The following SLC16A12 variants were observed in gnomAD, a reference collection of about 807,000 sequenced individuals.
The protein encoded by SLC16A12 is monocarboxylate transporter 12.
Under a neutral mutation model 42.4 loss-of-function variants are expected in SLC16A12, and 17 were observed. The observed-to-expected ratio is 0.40, with a 90% CI of 0.27 to 0.60. The LOEUF is 0.60. Ranked by LOEUF, SLC16A12 falls within the 20% of genes least tolerant of loss-of-function variation. The probability of loss-of-function intolerance (pLI) is 0.42; values close to 1 mark genes in which losing one functional copy is unlikely to be tolerated. For missense variants in SLC16A12, 544 were observed against 623.0 expected (o/e 0.87, Z 1.35); for synonymous variants, 224 against 229.4 (o/e 0.98, Z 0.21).
intron 2 of SLC16A12, among the ~76,000 whole-genome samples, chr10:89,548,029 C>G (rs1333975289): frequency 6.7e-6 from 1 of 148,290 alleles, no homozygotes; most frequent in Non-Finnish European, 1.5e-5. Flanking sequence ...TGGAGCGTGA[C>G]ATTATAGGTA....
At position 89,462,303 on chromosome 10, in the gene SLC16A12, G is replaced by A. The variant is rs545384514; in HGVS notation, c.200+76C>T. The A allele has an allele frequency of 1.9e-4, 305 of 1,594,144 alleles. 1 individual carries two copies. Among genetic ancestry groups the A allele is most frequent in the South Asian group, 1.1e-3 (99 of 89,746 alleles). ...ACATATCTTCACAATGATGGGTTCA[G>A]AAAGAGAATGAAGCAGATTTAAAAG... On this transcript the variant is annotated intron_variant, in intron 3 of 7. Transcript: ENST00000371790.
chr10:89,518,844 C>A (rs1843301701), intron 2 of SLC16A12, among the ~76,000 whole-genome samples: 2 of 152,086 alleles, frequency 1.3e-5, no homozygotes, highest in African/African-American at 4.8e-5. Context: ...CAGGGGTGGT[C>A]CCACTTTTTG....
At chr10:89,484,755 C>T (rs1300550815) in intron 2 of SLC16A12, among the ~76,000 whole-genome samples, 1 of 152,136 alleles carries the variant, frequency 6.6e-6, no homozygotes, top group Non-Finnish European at 1.5e-5. Flanking sequence ...GGCATTGCTT[C>T]CTTAAAATAT....
At chr10:89,487,856 A>C (rs1003728264) in intron 2 of SLC16A12, among the ~76,000 whole-genome samples, 5 of 148,252 alleles carry the variant, frequency 3.4e-5, no homozygotes, top group African/African-American at 9.9e-5. Flanking sequence ...TGTCAAAAAG[A>C]CACCTGCACT....
intron 3 of SLC16A12, among the ~76,000 whole-genome samples, chr10:89,451,077 G>T (rs1842089586): frequency 6.6e-6 from 1 of 152,242 alleles, no homozygotes. Flanking sequence ...ATTCAGGCAG[G>T]AAGCTTTTAT....
chr10:89,530,191 T>C (rs576521202), intron 2 of SLC16A12, among the ~76,000 whole-genome samples: 8 of 152,312 alleles, frequency 5.3e-5, no homozygotes, highest in East Asian at 1.9e-4. Context: ...CAGGACCTTA[T>C]TGGAGCTTGT....
intron 2 of SLC16A12, among the ~76,000 whole-genome samples, chr10:89,533,985 ATCACCAG>A (rs767152087): frequency 1.1e-4 from 16 of 152,250 alleles, no homozygotes; most frequent in Admixed American, 2.0e-4. Flanking sequence ...TGTTGATTCC[ATCACCAG>A]TTAACAGTAT....
upstream of SLC16A12, among the ~76,000 whole-genome samples, chr10:89,536,252 G>T (rs1316603604): frequency 6.6e-6 from 1 of 152,126 alleles, no homozygotes; most frequent in Non-Finnish European, 1.5e-5. Flanking sequence ...GGTGTATCTG[G>T]CAGGGATCCG....
intron 2 of SLC16A12, among the ~76,000 whole-genome samples, chr10:89,519,368 CA>C (rs923459484): frequency 6.6e-6 from 1 of 151,974 alleles, no homozygotes; most frequent in African/African-American, 2.4e-5. Context: ...AAACCTAAAA[CA>C]AAAGTTGAGA....
In SLC16A12 at chr10:89,532,337, T is replaced by C. The variant is rs79251165; in HGVS notation, c.-47+2164A>G. Among the ~76,000 whole-genome samples the C allele has an allele frequency of 5.8e-3, 881 of 152,278 alleles. 12 individuals are homozygous for C. The highest frequency in any genetic ancestry group is 0.02 in the African/African-American group (840 of 41,552). On this transcript the variant is annotated intron_variant, in intron 2 of 7. Coordinates refer to ENST00000371790, the MANE Select transcript of SLC16A12 (RefSeq NM_213606.4). ...CAGGTGCCTAGCATGCATCAGAAAT[T>C]GTGACTGTTCCCCAAATGTTCAACA...
intron 2 of SLC16A12, among the ~76,000 whole-genome samples, chr10:89,495,635 G>A (rs970048574): frequency 4.6e-5 from 7 of 152,056 alleles, no homozygotes; most frequent in African/African-American, 7.2e-5. Flanking sequence ...AAATGTGCTC[G>A]GAAATTTAAA....
intron 2 of SLC16A12, among the ~76,000 whole-genome samples, chr10:89,498,245 T>C (rs938270054): frequency 1.2e-4 from 18 of 152,056 alleles, no homozygotes; most frequent in Non-Finnish European, 1.5e-5. Context: ...GGTGGGAAGA[T>C]GGCTTGAGCC....
intron 3 of SLC16A12, among the ~76,000 whole-genome samples, chr10:89,450,500 C>G (rs1320289268): frequency 6.6e-6 from 1 of 152,158 alleles, no homozygotes; most frequent in African/African-American, 2.4e-5. Context: ...AGCAAACTAT[C>G]GCAAGGACAG....
rs1347502603 is a variant in SLC16A12, at chr10:89,486,639, G to GAAAGAAAGAAAGAAAGAAAGAAAGA, written c.-46-24040_-46-24016dup. Among the ~76,000 whole-genome samples, 211 of 48,304 alleles carry GAAAGAAAGAAAGAAAGAAAGAAAGA rather than the reference G, an allele frequency of 4.4e-3. 6 individuals are homozygous for GAAAGAAAGAAAGAAAGAAAGAAAGA. Among genetic ancestry groups the GAAAGAAAGAAAGAAAGAAAGAAAGA allele is most frequent in the Middle Eastern group, 0.024 (2 of 82 alleles). The allele number at this position is 48,304 out of a possible 152,430, so 31.7% of individuals were successfully genotyped here. The stretch of plus-strand genomic sequence containing the variant: ...AGAAAGAAAGAAAGAAAGAAAGAAA[G>GAAAGAAAGAAAGAAAGAAAGAAAGA]AAAGAAAGAAAGAAAGAAAGAAAGA... On this transcript the variant is annotated intron_variant, in intron 2 of 7. Transcript: ENST00000371790.
chr10:89,461,544 C>T (rs1842300532), intron 3 of SLC16A12, among the ~76,000 whole-genome samples: 1 of 152,118 alleles, frequency 6.6e-6, no homozygotes, highest in South Asian at 2.1e-4. Flanking sequence ...TCACCTGGTA[C>T]CCCTTTTCCT....
At chr10:89,443,299 G>A (rs967587440) in intron 4 of SLC16A12, among the ~76,000 whole-genome samples, 1 of 152,174 alleles carries the variant, frequency 6.6e-6, no homozygotes, top group Non-Finnish European at 1.5e-5. Flanking sequence ...TGCAATCCAA[G>A]ACTTGAGATG....
At chr10:89,443,691 A>G in intron 4 of SLC16A12, 65 bp downstream of exon 4, 1 of 1,149,684 alleles carries the variant, frequency 8.7e-7, no homozygotes, top group Non-Finnish European at 1.3e-6. Context: ...AAGTCAGTGG[A>G]ATGTCATTGT....
intron 2 of SLC16A12, among the ~76,000 whole-genome samples, chr10:89,472,651 C>T (rs909526067): frequency 1.3e-5 from 2 of 151,504 alleles, no homozygotes; most frequent in African/African-American, 4.9e-5. Flanking sequence ...CACAACCATG[C>T]CCAGCTAATT....
chr10:89,512,548 T>G (rs1194758016), intron 2 of SLC16A12, among the ~76,000 whole-genome samples: 1 of 152,132 alleles, frequency 6.6e-6, no homozygotes, highest in African/African-American at 2.4e-5. Context: ...TTATTGCCTA[T>G]GCAATTATGC....
Sources: allele counts gnomAD v4.1 joint callset (sites outside exome capture counted in the v4.1 genomes callset), GRCh38; gene constraint gnomAD v4.1.1; transcripts MANE v1.5; gene names NCBI Gene and HGNC (gene_info 2026-07-23, HGNC 2026-07-21).